Variants in KIF11 observed in about 807,000 individuals in gnomAD.
KIF11 encodes kinesin-like protein KIF11.
KIF11 carries 9 observed loss-of-function variants against 121.0 expected under a neutral mutation model. That is an observed-to-expected ratio of 0.07 (90% CI 0.04 to 0.13). KIF11 has a LOEUF of 0.13. KIF11 is among the 10% of genes least tolerant of loss of function. The pLI, the probability that KIF11 is intolerant of heterozygous loss-of-function variation, is 1.00. For missense variants in KIF11, 846 were observed against 1,217.5 expected, an observed-to-expected ratio of 0.69 and a Z score of 4.54; for synonymous variants, 408 against 421.0, an observed-to-expected ratio of 0.97 and a Z score of 0.38.
chr10:92,645,966 T>G (rs1416461799), intron 18 of KIF11, among the ~76,000 whole-genome samples: 2 of 150,176 alleles, frequency 1.3e-5, no homozygotes, highest in Non-Finnish European at 3.0e-5. Flanking sequence ...TTTTTTTTTT[T>G]TTTGAGATGG....
chr10:92,598,333 A>G (rs1219732983), intron 1 of KIF11, among the ~76,000 whole-genome samples: 4 of 152,194 alleles, frequency 2.6e-5, no homozygotes, highest in Admixed American at 1.3e-4. Flanking sequence ...GTTTCCCAGC[A>G]CCATTTGGTG....
chr10:92,609,642 T>C (rs908289744), intron 6 of KIF11, 133 bp downstream of exon 6: 5 of 713,400 alleles, frequency 7.0e-6, no homozygotes, highest in African/African-American at 5.4e-5. Context: ...GGAGGGGTCA[T>C]TGGTAATTGG....
At chr10:92,652,728 C>T (rs953219021) in intron 21 of KIF11, among the ~76,000 whole-genome samples, 9 of 152,106 alleles carry the variant, frequency 5.9e-5, no homozygotes, top group Admixed American at 2.6e-4. Flanking sequence ...GGTCAGAAAT[C>T]GTTTTATTAT....
chr10:92,649,284 A>G lies in KIF11; in HGVS notation c.2771-551A>G, dbSNP rs1047823765. 2.6e-5 allele frequency among the ~76,000 whole-genome samples: 4 copies of G among 152,184 alleles called. No individual in the cohort carries two copies. In the East Asian group the frequency reaches 7.7e-4, roughly 29 times the overall value. On this transcript the variant is annotated intron_variant, in intron 19 of 21. Transcript: ENST00000260731. ...AAGGCAAGTACTTTTGTAAATCATG[A>G]GAGCATGAGCTTATTACAGAGAAAT... is the stretch of plus-strand genomic sequence containing the variant.
At chr10:92,623,218 C>T (rs1277814985) in intron 10 of KIF11, among the ~76,000 whole-genome samples, 2 of 152,218 alleles carry the variant, frequency 1.3e-5, no homozygotes, top group Non-Finnish European at 2.9e-5. Context: ...TGTAGTCACA[C>T]TCACCTCATC....
intron 12 of KIF11, among the ~76,000 whole-genome samples, chr10:92,631,154 C>T (rs552083811): frequency 2.1e-4 from 32 of 150,878 alleles, no homozygotes; most frequent in Non-Finnish European, 3.4e-4. Context: ...ATTAGCCAGG[C>T]GTGGTGGCAC....
chr10:92,628,938 T>C, intron 11 of KIF11, 43 bp downstream of exon 11: 1 of 1,054,820 alleles, frequency 9.5e-7, no homozygotes, highest in Non-Finnish European at 1.4e-6. Context: ...GAAAAGCAAA[T>C]ATTGAAAGAA....
chr10:92,612,657 C>G (rs964359762), intron 6 of KIF11, among the ~76,000 whole-genome samples: 2 of 152,136 alleles, frequency 1.3e-5, no homozygotes, highest in Non-Finnish European at 2.9e-5. Flanking sequence ...AATGCCTTAC[C>G]TGGTACCATT....
In KIF11 at chr10:92,637,446, T is replaced by C. The variant is rs1844818328; in HGVS notation, c.2061T>C (p.His687=). The C allele has an allele frequency of 1.2e-6, 2 of 1,603,880 alleles. No homozygotes were observed. Among genetic ancestry groups the C allele is most frequent in the Admixed American group, 1.8e-5 (1 of 56,020 alleles). The part of the protein sequence containing the change: ...GFLSILCNNL[H]ELQENTICSL... ...TCAGTATACTGTGTAACAATCTACATGAACTACAAGAAAATACCATTTGTT... is the reference window on the plus strand; with the variant it reads ...TCAGTATACTGTGTAACAATCTACACGAACTACAAGAAAATACCATTTGTT... Residue 687 remains histidine (H), a synonymous_variant, in exon 16 of 22, where the codon CAT becomes CAC. Coordinates refer to ENST00000260731, the MANE Select transcript of KIF11 (RefSeq NM_004523.4).
At chr10:92,647,257 C>T (rs564102375) in intron 18 of KIF11, among the ~76,000 whole-genome samples, 1 of 151,530 alleles carries the variant, frequency 6.6e-6, no homozygotes, top group South Asian at 2.1e-4. Context: ...TCTTCAGCAA[C>T]AAGTTTTTTT....
intron 13 of KIF11, among the ~76,000 whole-genome samples, chr10:92,633,058 T>A (rs2135916487): frequency 1.3e-5 from 2 of 151,430 alleles, no homozygotes; most frequent in South Asian, 4.1e-4. Flanking sequence ...ATAAACATTC[T>A]GCAACTTTTT....
chr10:92,647,528 A>G (rs911462122), intron 18 of KIF11, among the ~76,000 whole-genome samples: 4 of 152,204 alleles, frequency 2.6e-5, no homozygotes, highest in Non-Finnish European at 4.4e-5. Context: ...ATTTGAGACG[A>G]CTGGTGAAGT....
chr10:92,650,225 C>T (rs1287377571), intron 20 of KIF11, among the ~76,000 whole-genome samples, 176 bp from the exon 21 acceptor site: 1 of 152,150 alleles, frequency 6.6e-6, no homozygotes, highest in Non-Finnish European at 1.5e-5. Context: ...AACCTCTACT[C>T]TCTATAAAAA....
Position 92,606,323 on chromosome 10 carries a change from G to C in KIF11, c.136G>C (p.Val46Leu). The change falls in exon 2 of 22, where the codon GTA (valine) becomes CTA (leucine). Residue 46 changes from valine to leucine, a missense_variant. Physicochemically the swap from Val to Leu is conservative, Grantham distance 32. Transcript: ENST00000260731. Reference protein sequence around the residue: ...SAHSIVECDPVRKEVSVRTGG... With the variant: ...SAHSIVECDPLRKEVSVRTGG... Reference sequence around the variant, plus strand: ...CCATTCAATAGTAGAATGTGATCCTGTACGAAAAGAAGTTAGTGTACGAAC... The same window carrying C: ...CCATTCAATAGTAGAATGTGATCCTCTACGAAAAGAAGTTAGTGTACGAAC... 1 of 1,612,188 alleles carries C rather than the reference G, an allele frequency of 6.2e-7. No homozygotes were observed. Among genetic ancestry groups the C allele is most frequent in the Non-Finnish European group, 8.5e-7 (1 of 1,179,544 alleles).
chr10:92,651,523 T>TG (rs1844982480), intron 21 of KIF11, among the ~76,000 whole-genome samples: 1 of 76,786 alleles, frequency 1.3e-5, no homozygotes, highest in Non-Finnish European at 2.3e-5. Flanking sequence ...TTTTTTTTTT[T>TG]TTTTTTTTTT....
intron 10 of KIF11, among the ~76,000 whole-genome samples, chr10:92,622,492 G>A (rs1844629293): frequency 6.6e-6 from 1 of 151,672 alleles, no homozygotes; most frequent in Non-Finnish European, 1.5e-5. Context: ...GCAGGTGCTT[G>A]TAATCCCAGC....
At chr10:92,608,190 C>G (rs1421782171) in intron 4 of KIF11, among the ~76,000 whole-genome samples, 3 of 149,642 alleles carry the variant, frequency 2.0e-5, no homozygotes, top group Non-Finnish European at 4.4e-5. Flanking sequence ...TTCCCCAGGC[C>G]AGTCTTGAAC....
At chr10:92,645,706 G>A in intron 18 of KIF11, 64 bp downstream of exon 18, 8 of 1,212,712 alleles carry the variant, frequency 6.6e-6, no homozygotes, top group South Asian at 1.5e-5. Context: ...AAATATTCTT[G>A]GCTAAGAATA....
chr10:92,597,972 A>G (rs1406271136), intron 1 of KIF11, among the ~76,000 whole-genome samples: 2 of 151,780 alleles, frequency 1.3e-5, no homozygotes, highest in Non-Finnish European at 2.9e-5. Flanking sequence ...TCCCCTTTAA[A>G]TATAGTATCT....
Sources: allele counts gnomAD v4.1 joint callset (sites outside exome capture counted in the v4.1 genomes callset), GRCh38; gene constraint gnomAD v4.1.1; transcripts MANE v1.5; gene names NCBI Gene and HGNC (gene_info 2026-07-23, HGNC 2026-07-21).